The following CAMK1D variants were observed in gnomAD, a reference collection of about 807,000 sequenced individuals.
The protein encoded by CAMK1D is calcium/calmodulin dependent protein kinase ID, also known as calcium/calmodulin-dependent protein kinase type 1D.
A neutral mutation model predicts 47.7 loss-of-function variants in CAMK1D; 9 were observed. The observed-to-expected ratio is 0.19, with a 90% CI of 0.11 to 0.33. CAMK1D has a LOEUF of 0.33. Ranked by LOEUF, CAMK1D falls within the 10% of genes least tolerant of loss-of-function variation. The pLI is 1.00. For missense variants in CAMK1D, 291 were observed against 488.7 expected (o/e 0.60, Z 3.81); for synonymous variants, 184 against 184.9 (o/e 0.99, Z 0.04).
rs551080434 is a variant in CAMK1D, at chr10:12,360,986, A to C, written c.92+11076A>C. ...CAGGAAAAATTCCACTTCTGTAAGA[A>C]AATATGCCTCAAAACAACAACAACA... On this transcript the variant is annotated intron_variant, in intron 1 of 10. Coordinates refer to ENST00000619168, the MANE Select transcript of CAMK1D (RefSeq NM_153498.4). Among the ~76,000 whole-genome samples, 34 of 152,332 alleles carry C rather than the reference A, an allele frequency of 2.2e-4. No individual in the cohort carries two copies. The South Asian group carries it at 6.4e-3, about 29-fold the overall frequency.
chr10:12,426,328 C>T (rs898012530), intron 1 of CAMK1D, among the ~76,000 whole-genome samples: 16 of 152,128 alleles, frequency 1.1e-4, no homozygotes, highest in African/African-American at 3.1e-4. Context: ...CTCACTGCAA[C>T]GTCCACCTCC....
At chr10:12,588,195 C>T (rs971722667) in intron 2 of CAMK1D, among the ~76,000 whole-genome samples, 13 of 152,242 alleles carry the variant, frequency 8.5e-5, no homozygotes, top group African/African-American at 3.1e-4. Context: ...GGGTGACAGT[C>T]TGCAAGGCAC....
At chr10:12,576,562 G>T (rs536410407) in intron 2 of CAMK1D, among the ~76,000 whole-genome samples, 1 of 152,214 alleles carries the variant, frequency 6.6e-6, no homozygotes, top group East Asian at 1.9e-4. Context: ...TAACTAGATG[G>T]TCCTACTTGG....
At chr10:12,660,041 T>G (rs1333439074) in intron 2 of CAMK1D, among the ~76,000 whole-genome samples, 1 of 152,230 alleles carries the variant, frequency 6.6e-6, no homozygotes, top group African/African-American at 2.4e-5. Context: ...GATTGTATTT[T>G]CTTACATCCC....
intron 3 of CAMK1D, among the ~76,000 whole-genome samples, chr10:12,669,372 C>T (rs1840537165): frequency 6.6e-6 from 1 of 152,052 alleles, no homozygotes. Context: ...GCAAATTAAT[C>T]ACAAAATCCA....
intron 3 of CAMK1D, among the ~76,000 whole-genome samples, chr10:12,742,283 T>G (rs1194832810): frequency 6.6e-6 from 1 of 152,114 alleles, no homozygotes; most frequent in Non-Finnish European, 1.5e-5. Context: ...TACAGGCATG[T>G]GCCACCACGC....
chr10:12,596,297 G>GA (rs1368100930), intron 2 of CAMK1D, among the ~76,000 whole-genome samples: 1 of 152,142 alleles, frequency 6.6e-6, no homozygotes, highest in African/African-American at 2.4e-5. Flanking sequence ...TTGGCAGCAT[G>GA]AGCAGTGGGC....
rs557040304 is a variant in CAMK1D, at chr10:12,467,179, G to A, written c.93-86046G>A. 5.0e-4 allele frequency among the ~76,000 whole-genome samples: 76 copies of A among 152,188 alleles called. 1 individual carries two copies. The South Asian group carries it at 0.015, about 31-fold the overall frequency. ...ATGTTTTCTTTTTTATTGACATGGA[G>A]TCTCACTCTGTCACGCTGGCTGGAG... On this transcript the variant is annotated intron_variant, in intron 1 of 10. Coordinates refer to ENST00000619168, the MANE Select transcript of CAMK1D (RefSeq NM_153498.4).
intron 1 of CAMK1D, among the ~76,000 whole-genome samples, chr10:12,381,342 CTTTT>C (rs35503338): frequency 4.5e-5 from 6 of 134,640 alleles, no homozygotes; most frequent in Admixed American, 7.5e-5. Flanking sequence ...ATAATGCTTT[CTTTT>C]TTTTTTTTTT....
Position 12,622,840 on chromosome 10 carries a change from G to A in CAMK1D, c.225-43896G>A, listed in dbSNP as rs578122281. ...CCTGAAATAGCCTGAGTAGAGGGGA[G>A]GATGTAGGAGTGAGTAGCGTGTTTG... On this transcript the variant is annotated intron_variant, in intron 2 of 10. Coordinates refer to ENST00000619168, the MANE Select transcript of CAMK1D (RefSeq NM_153498.4). Among the ~76,000 whole-genome samples the A allele has an allele frequency of 2.6e-5, 4 of 152,114 alleles. No homozygotes were observed. In the South Asian group the frequency reaches 8.3e-4, roughly 32 times the overall value.
chr10:12,547,873 GAACTTTGTCT>G (rs1487105893), intron 1 of CAMK1D, among the ~76,000 whole-genome samples: 1 of 152,198 alleles, frequency 6.6e-6, no homozygotes, highest in East Asian at 1.9e-4. Context: ...GAAGACCAGA[GAACTTTGTCT>G]TTGGAAAGCT....
chr10:12,580,717 G>A (rs1837638789), intron 2 of CAMK1D, among the ~76,000 whole-genome samples: 1 of 152,194 alleles, frequency 6.6e-6, no homozygotes. Context: ...TGTGGAGAGG[G>A]TCCTATGGGG....
intron 1 of CAMK1D, among the ~76,000 whole-genome samples, chr10:12,444,352 C>T (rs375830291): frequency 4.5e-4 from 69 of 152,124 alleles, no homozygotes; most frequent in African/African-American, 1.6e-3. Context: ...TGGAAACCTG[C>T]GTTTCCTTGG....
At chr10:12,365,432 CTTTTTT>C (rs1490316873) in intron 1 of CAMK1D, among the ~76,000 whole-genome samples, 1 of 151,882 alleles carries the variant, frequency 6.6e-6, no homozygotes, top group Non-Finnish European at 1.5e-5. Context: ...AAGGTTATAG[CTTTTTT>C]TGTTTTTGTT....
chr10:12,517,665 A>G (rs910132569), intron 1 of CAMK1D, among the ~76,000 whole-genome samples: 1 of 152,144 alleles, frequency 6.6e-6, no homozygotes, highest in Non-Finnish European at 1.5e-5. Flanking sequence ...AAAATGGTAG[A>G]TTATATCGGT....
intron 1 of CAMK1D, among the ~76,000 whole-genome samples, chr10:12,404,099 G>A (rs957542678): frequency 3.3e-5 from 5 of 151,498 alleles, no homozygotes; most frequent in African/African-American, 1.2e-4. Context: ...CAGCTGGAGT[G>A]CAATGGTGTG....
chr10:12,491,588 A>G lies in CAMK1D; in HGVS notation c.93-61637A>G, dbSNP rs566777465. ...CTAGGTGTCCTGTTGAGCTGCAGGC[A>G]GTGGGCAGGTTGTGCCTGCCTTTCC... is the stretch of plus-strand genomic sequence containing the variant. On this transcript the variant is annotated intron_variant, in intron 1 of 10. Transcript: ENST00000619168. 1.1e-4 allele frequency among the ~76,000 whole-genome samples: 17 copies of G among 152,244 alleles called. No homozygotes were observed. The East Asian group carries it at 3.3e-3, about 29-fold the overall frequency.
chr10:12,539,327 G>T (rs770518931), intron 1 of CAMK1D, among the ~76,000 whole-genome samples: 8 of 152,170 alleles, frequency 5.3e-5, no homozygotes, highest in Non-Finnish European at 8.8e-5. Flanking sequence ...GAGCTTAACA[G>T]AATTTTCCTT....
intron 6 of CAMK1D, among the ~76,000 whole-genome samples, chr10:12,808,070 T>C (rs1838816796): frequency 6.6e-6 from 1 of 152,130 alleles, no homozygotes; most frequent in African/African-American, 2.4e-5. Context: ...TAAACTGCTG[T>C]TTTATGCCCC....
Sources: gnomAD v4.1 joint callset for allele counts (sites outside exome capture counted in the v4.1 genomes callset) on GRCh38, gnomAD v4.1.1 for gene constraint, MANE v1.5 for transcripts, NCBI Gene and HGNC (gene_info 2026-07-23, HGNC 2026-07-21) for gene names.